ZNF385D: variants seen among roughly 807,000 people sequenced by gnomAD.
ZNF385D encodes the protein zinc finger protein 659.
ZNF385D carries 15 observed loss-of-function variants against 35.8 expected under a neutral mutation model. That is an observed-to-expected ratio of 0.42 (90% CI 0.28 to 0.64). The LOEUF (loss-of-function observed/expected upper bound fraction) is 0.64, where lower values mean the gene tolerates loss of function less well. Among genes scored for constraint, ZNF385D ranks in the 30% least tolerant of loss-of-function variants. ZNF385D has a pLI of 0.23. For synonymous variants in ZNF385D, 212 were observed against 186.8 expected (o/e 1.13, Z -1.10); for missense variants, 474 against 494.6 (o/e 0.96, Z 0.39).
At chr3:22,146,865 T>C (rs1212169142) in intron 3 of ZNF385D, among the ~76,000 whole-genome samples, 2 of 152,146 alleles carry the variant, frequency 1.3e-5, no homozygotes, top group Admixed American at 1.3e-4. Context: ...GTCTAAAATT[T>C]CTCCTAAGTT....
intron 3 of ZNF385D, among the ~76,000 whole-genome samples, chr3:21,789,547 C>T (rs1020390702): frequency 6.6e-6 from 1 of 152,096 alleles, no homozygotes; most frequent in Non-Finnish European, 1.5e-5. Flanking sequence ...AGCACACACA[C>T]ATATATACAG....
chr3:22,260,854 G>A (rs564700070), intron 2 of ZNF385D, among the ~76,000 whole-genome samples: 10 of 151,986 alleles, frequency 6.6e-5, no homozygotes, highest in Middle Eastern at 3.4e-3. Flanking sequence ...CTGAAGAAAC[G>A]TGTTTTTATC....
chr3:21,738,428 C>A (rs2069351373), intron 1 of ZNF385D, among the ~76,000 whole-genome samples: 1 of 152,168 alleles, frequency 6.6e-6, no homozygotes, highest in Non-Finnish European at 1.5e-5. Flanking sequence ...GTTGTGAAGA[C>A]TGTTTGGGTT....
At chr3:22,104,832 A>T (rs1482815871) in intron 3 of ZNF385D, among the ~76,000 whole-genome samples, 1 of 152,066 alleles carries the variant, frequency 6.6e-6, no homozygotes. Context: ...AAATCAAAAG[A>T]GTCTCTGAAC....
intron 1 of ZNF385D, among the ~76,000 whole-genome samples, chr3:21,733,663 C>T (rs756723544): frequency 2.6e-5 from 4 of 152,094 alleles, no homozygotes; most frequent in Non-Finnish European, 4.4e-5. Context: ...AAAGACTTTC[C>T]ACTGCAAGTG....
chr3:22,113,049 T>C (rs1193599429), intron 3 of ZNF385D, among the ~76,000 whole-genome samples: 3 of 152,048 alleles, frequency 2.0e-5, no homozygotes, highest in African/African-American at 7.2e-5. Context: ...GGAAATGAAG[T>C]AGATTGGACC....
intron 2 of ZNF385D, among the ~76,000 whole-genome samples, chr3:21,625,391 G>A (rs114696146): frequency 3.7e-4 from 57 of 152,082 alleles, no homozygotes; most frequent in Middle Eastern, 3.4e-3. Context: ...CTAAACCAGC[G>A]GTGCTAAAGA....
Position 21,888,863 on chromosome 3 carries a change from C to T in ZNF385D, c.326-223835G>A, listed in dbSNP as rs894490671. Among the ~76,000 whole-genome samples, 52 of 152,320 alleles carry T rather than the reference C, an allele frequency of 3.4e-4. 1 individual carries two copies. The highest frequency in any genetic ancestry group is 3.3e-3 in the Admixed American group (51 of 15,302). On this transcript the variant is annotated intron_variant, in intron 3 of 5. Coordinates refer to the ZNF385D transcript ENST00000494108. ...ACGGCAGAGGGCCAAGTCTGTGGCT[C>T]CTGTCTGACCACCTGCTACAGCCAG...
At chr3:21,949,583 T>G (rs1350465217) in intron 3 of ZNF385D, among the ~76,000 whole-genome samples, 1 of 150,076 alleles carries the variant, frequency 6.7e-6, no homozygotes, top group Non-Finnish European at 1.5e-5. Flanking sequence ...TACTTTTAAG[T>G]TCTGGGATAC....
rs145108691 is a variant in ZNF385D at position 22,117,627 on chromosome 3, T to C, written c.325+51190A>G. Among the ~76,000 whole-genome samples, 5 of 152,096 alleles carry C rather than the reference T, an allele frequency of 3.3e-5. No individual in the cohort carries two copies. The East Asian group carries it at 9.7e-4, about 29-fold the overall frequency. On this transcript the variant is annotated intron_variant, in intron 3 of 5. Coordinates refer to the ZNF385D transcript ENST00000494108. ...CTTTTAACTTTAAATTAGACTTAAATTGAATATTTTAGATATTTACTTTTA... is the reference window on the plus strand; with the variant it reads ...CTTTTAACTTTAAATTAGACTTAAACTGAATATTTTAGATATTTACTTTTA...
chr3:22,175,526 G>T (rs910918488), intron 2 of ZNF385D, among the ~76,000 whole-genome samples: 1 of 151,962 alleles, frequency 6.6e-6, no homozygotes, highest in Admixed American at 6.6e-5. Context: ...AGTTGCCCAT[G>T]CAGGATTTAA....
intron 2 of ZNF385D, among the ~76,000 whole-genome samples, chr3:22,184,999 T>C (rs548027680): frequency 1.4e-4 from 21 of 152,262 alleles, no homozygotes; most frequent in Middle Eastern, 3.4e-3. Context: ...AAATGTGTTT[T>C]AAATAAACAT....
At chr3:22,336,908 T>TTAAAAAAAAAAAAA in intron 2 of ZNF385D, among the ~76,000 whole-genome samples, 1 of 1,054 alleles carries the variant, frequency 9.5e-4, no homozygotes, top group Non-Finnish European at 5.4e-3. Flanking sequence ...CAGTGATTTT[T>TTAAAAAAAAAAAAA]CAAAAAAAAA....
chr3:22,303,307 T>C (rs1456456933), intron 2 of ZNF385D, among the ~76,000 whole-genome samples: 3 of 152,116 alleles, frequency 2.0e-5, no homozygotes, highest in African/African-American at 7.2e-5. Context: ...ATCTTGCACA[T>C]AGGCTGGGTC....
chr3:22,158,837 G>C (rs1404367648), intron 3 of ZNF385D, among the ~76,000 whole-genome samples: 5 of 151,936 alleles, frequency 3.3e-5, no homozygotes, highest in African/African-American at 1.2e-4. Flanking sequence ...AACTTGTTAA[G>C]GGCGTAAATC....
intron 3 of ZNF385D, among the ~76,000 whole-genome samples, chr3:22,143,565 T>C (rs1295004825): frequency 6.6e-6 from 1 of 152,152 alleles, no homozygotes; most frequent in Non-Finnish European, 1.5e-5. Context: ...ATTGTTCTCT[T>C]TGGCATACTG....
At chr3:21,711,679 T>C (rs2068114663) in intron 1 of ZNF385D, among the ~76,000 whole-genome samples, 1 of 152,188 alleles carries the variant, frequency 6.6e-6, no homozygotes, top group Admixed American at 6.5e-5. Flanking sequence ...ATCCAAGTAA[T>C]CTGGATGTTT....
rs1161105763 is a variant in ZNF385D at position 21,683,325 on chromosome 3, G to A, written c.23-18297C>T. Among the ~76,000 whole-genome samples the A allele has an allele frequency of 7.3e-5, 11 of 149,680 alleles. 1 individual carries two copies. Among genetic ancestry groups the A allele is most frequent in the Admixed American group, 2.7e-4 (4 of 14,954 alleles). On this transcript the variant is annotated intron_variant, in intron 1 of 7. Transcript: ENST00000281523. ...TACTTTTGTGATTAGGTTATGCGAC[G>A]TGATACAGTTGACTTCAAAAAGAAG...
At chr3:21,886,464 T>G (rs1698552893) in intron 3 of ZNF385D, among the ~76,000 whole-genome samples, 1 of 152,106 alleles carries the variant, frequency 6.6e-6, no homozygotes, top group Admixed American at 6.6e-5. Flanking sequence ...TCCCGTCCTC[T>G]CTGAGCACCA....
Sources: allele counts gnomAD v4.1 joint callset (sites outside exome capture counted in the v4.1 genomes callset), GRCh38; gene constraint gnomAD v4.1.1; transcripts MANE v1.5; gene names NCBI Gene and HGNC (gene_info 2026-07-23, HGNC 2026-07-21).